The following PTPN12 variants were observed in gnomAD, a reference collection of about 807,000 sequenced individuals.
The protein encoded by PTPN12 is protein tyrosine phosphatase non-receptor type 12.
Under a neutral mutation model 97.6 loss-of-function variants are expected in PTPN12, and 29 were observed. That is an observed-to-expected ratio of 0.30 (90% CI 0.22 to 0.41). The LOEUF is 0.41. Among genes scored for constraint, PTPN12 ranks in the 10% least tolerant of loss-of-function variants. The pLI is 1.00. For missense variants in PTPN12, 819 were observed against 926.0 expected, an observed-to-expected ratio of 0.88 and a Z score of 1.50; for synonymous variants, 327 against 300.4, an observed-to-expected ratio of 1.09 and a Z score of -0.91.
intron 1 of PTPN12, among the ~76,000 whole-genome samples, chr7:77,563,628 T>G (rs1808093904): frequency 6.6e-6 from 1 of 152,230 alleles, no homozygotes; most frequent in Non-Finnish European, 1.5e-5. Context: ...AGAATCATTT[T>G]ATTACTCCAA....
chr7:77,638,490 A>G, intron 16 of PTPN12, 134 bp from the exon 17 acceptor site: 2 of 1,267,280 alleles, frequency 1.6e-6, no homozygotes, highest in Non-Finnish European at 2.0e-6. Flanking sequence ...ATTGTTCTTG[A>G]CCTGTAAAAT....
At chr7:77,551,307 C>T (rs759907704) in intron 1 of PTPN12, among the ~76,000 whole-genome samples, 7 of 152,164 alleles carry the variant, frequency 4.6e-5, no homozygotes, top group Non-Finnish European at 1.0e-4. Context: ...GTAATCCACC[C>T]GCCTTGGCCT....
intron 1 of PTPN12, among the ~76,000 whole-genome samples, chr7:77,554,500 A>T (rs1807613493): frequency 1.3e-5 from 2 of 152,190 alleles, no homozygotes; most frequent in South Asian, 4.1e-4. Flanking sequence ...TTCTGAATAA[A>T]CGTATCAGAT....
chr7:77,605,556 A>G (rs565342976), intron 8 of PTPN12, among the ~76,000 whole-genome samples: 1 of 150,222 alleles, frequency 6.7e-6, no homozygotes, highest in African/African-American at 2.5e-5. Flanking sequence ...AGTAGCTGGG[A>G]TTACAGGCGC....
intron 1 of PTPN12, among the ~76,000 whole-genome samples, chr7:77,539,207 A>G (rs572519132): frequency 8.2e-4 from 125 of 152,284 alleles, no homozygotes; most frequent in Admixed American, 2.0e-3. Flanking sequence ...TTGACCATAC[A>G]CAGTATTATA....
chr7:77,637,396 C>T (rs1159015228), intron 16 of PTPN12, among the ~76,000 whole-genome samples: 2 of 152,068 alleles, frequency 1.3e-5, no homozygotes, highest in Non-Finnish European at 2.9e-5. Context: ...TCTGTAGAAA[C>T]CTATTGTTTT....
At chr7:77,548,421 CCTT>C (rs1233737820) in intron 1 of PTPN12, among the ~76,000 whole-genome samples, 1 of 152,170 alleles carries the variant, frequency 6.6e-6, no homozygotes, top group Non-Finnish European at 1.5e-5. Flanking sequence ...TCTCTAGACA[CCTT>C]CTTCCCCATT....
intron 11 of PTPN12, among the ~76,000 whole-genome samples, chr7:77,611,943 A>G (rs1303003670): frequency 6.7e-6 from 1 of 148,580 alleles, no homozygotes; most frequent in Non-Finnish European, 1.5e-5. Context: ...TCTTGCTTCA[A>G]TTCTATATAT....
At position 77,592,216 on chromosome 7, in the gene PTPN12, G is replaced by A; in HGVS notation, c.452G>A (p.Gly151Glu). 1 of 1,606,400 alleles carries A rather than the reference G, an allele frequency of 6.2e-7. No individual in the cohort carries two copies. Among genetic ancestry groups the A allele is most frequent in the South Asian group, 1.1e-5 (1 of 88,668 alleles). ...KKCERYWPLY[G>E]EDPITFAPFK... ...TGTGAGCGCTATTGGCCTTTGTATG[G>A]AGAAGACCCCATAACGTTTGCACCA... The change falls in exon 6 of 18, where the codon GGA becomes GAA. Residue 151 changes from glycine to glutamate, a missense_variant. Coordinates refer to ENST00000248594, the MANE Select transcript of PTPN12 (RefSeq NM_002835.4).
At chr7:77,539,462 TGA>T (rs1447289009) in intron 1 of PTPN12, among the ~76,000 whole-genome samples, 2 of 152,222 alleles carry the variant, frequency 1.3e-5, no homozygotes, top group East Asian at 3.8e-4. Context: ...TTTTTACTAT[TGA>T]GAGTTTTTAT....
At position 77,627,251 on chromosome 7, in the gene PTPN12, C is replaced by T; in HGVS notation, c.1572C>T (p.Asp524=). ...ATTCAGACACACCTCCAAGGCCAGA[C>T]CGCTTGCCTCTTGATGAGAAAGGAC... is the stretch of plus-strand genomic sequence containing the variant. The part of the protein sequence containing the change: ...SQNSDTPPRP[D]RLPLDEKGHV... The change falls in exon 13 of 18, where the codon GAC becomes GAT. Residue 524 remains aspartate, a synonymous_variant. Transcript: ENST00000248594. 3 of 1,614,112 alleles carry T rather than the reference C, an allele frequency of 1.9e-6. No homozygotes were observed. The highest frequency in any genetic ancestry group is 1.7e-6 in the Non-Finnish European group (2 of 1,179,940).
chr7:77,630,232 T>C (rs892656970), intron 13 of PTPN12, among the ~76,000 whole-genome samples: 3 of 152,242 alleles, frequency 2.0e-5, no homozygotes, highest in Non-Finnish European at 2.9e-5. Context: ...CCTTATAGAT[T>C]ATTATTTCCT....
At chr7:77,586,647 G>A (rs1787702160) in intron 5 of PTPN12, among the ~76,000 whole-genome samples, 1 of 152,186 alleles carries the variant, frequency 6.6e-6, no homozygotes, top group Non-Finnish European at 1.5e-5. Flanking sequence ...ATGAAAGATT[G>A]CTCTGTAGCA....
At chr7:77,542,004 C>G (rs1177332907) in intron 1 of PTPN12, among the ~76,000 whole-genome samples, 1 of 69,168 alleles carries the variant, frequency 1.4e-5, no homozygotes, top group African/African-American at 1.3e-4. Context: ...GTTTGACAGA[C>G]CTAGGTTTTA....
intron 11 of PTPN12, among the ~76,000 whole-genome samples, chr7:77,615,691 C>CAG (rs1788727377): frequency 6.6e-6 from 1 of 152,172 alleles, no homozygotes; most frequent in Non-Finnish European, 1.5e-5. Context: ...TTCAAGGCTG[C>CAG]AGAGGTATGA....
chr7:77,538,028 C>G, intron 1 of PTPN12: 1 of 1,018,246 alleles, frequency 9.8e-7, no homozygotes. Flanking sequence ...TCGCTCCTCC[C>G]AGGAGGGTCG....
At chr7:77,581,063 GT>G (rs1026476034) in intron 2 of PTPN12, among the ~76,000 whole-genome samples, 5 of 142,710 alleles carry the variant, frequency 3.5e-5, no homozygotes, top group African/African-American at 1.3e-4. Context: ...GTTTTGTTTT[GT>G]TTTTTTGCTG....
At chr7:77,546,066 G>C (rs1202992936) in intron 1 of PTPN12, among the ~76,000 whole-genome samples, 1 of 152,080 alleles carries the variant, frequency 6.6e-6, no homozygotes, top group Admixed American at 6.6e-5. Flanking sequence ...TGAGTAGCTG[G>C]GATTACGGGC....
intron 5 of PTPN12, among the ~76,000 whole-genome samples, chr7:77,590,871 A>AT (rs1374062227): frequency 6.6e-6 from 1 of 150,848 alleles, no homozygotes; most frequent in Admixed American, 6.6e-5. Context: ...GCCTCCATCT[A>AT]TTAAAAAAAA....
Sources: gnomAD v4.1 joint callset for allele counts (sites outside exome capture counted in the v4.1 genomes callset) on GRCh38, gnomAD v4.1.1 for gene constraint, MANE v1.5 for transcripts, NCBI Gene and HGNC (gene_info 2026-07-23, HGNC 2026-07-21) for gene names.